Variants in DLG2 observed in about 807,000 individuals in gnomAD.
The protein encoded by DLG2 is disks large homolog 2.
Under a neutral mutation model 132.5 loss-of-function variants are expected in DLG2, and 45 were observed. The ratio of observed to expected loss-of-function variants is 0.34; its 90% CI spans 0.27 to 0.44. DLG2 has a LOEUF of 0.44. DLG2 is among the 20% of genes least tolerant of loss of function. The pLI is 1.00. For missense variants in DLG2, 1,045 were observed against 1,196.9 expected (o/e 0.87, Z 1.87); for synonymous variants, 424 against 419.6 (o/e 1.01, Z -0.13).
intron 6 of DLG2, among the ~76,000 whole-genome samples, chr11:84,895,786 C>A (rs549804148): frequency 1.2e-4 from 18 of 152,006 alleles, no homozygotes; most frequent in African/African-American, 4.4e-4. Flanking sequence ...GGTCATGTAT[C>A]AAGTTAAGAG....
intron 7 of DLG2, among the ~76,000 whole-genome samples, chr11:84,391,190 C>T (rs1365391210): frequency 6.6e-6 from 1 of 152,144 alleles, no homozygotes; most frequent in African/African-American, 2.4e-5. Flanking sequence ...AGTTATGCTA[C>T]ATTCATACAG....
chr11:85,173,302 A>G (rs1351122709), intron 4 of DLG2, among the ~76,000 whole-genome samples: 11 of 152,340 alleles, frequency 7.2e-5, no homozygotes, highest in African/African-American at 2.6e-4. Context: ...AAACCAGAAG[A>G]GATTGGGGCC....
chr11:84,341,808 A>G (rs2098516321), intron 7 of DLG2, among the ~76,000 whole-genome samples: 1 of 152,240 alleles, frequency 6.6e-6, no homozygotes, highest in Admixed American at 6.5e-5. Flanking sequence ...GAATTTCTGT[A>G]CCCCTTTTTA....
chr11:85,583,060 ATATAT>A (rs1565716941), intron 3 of DLG2, among the ~76,000 whole-genome samples: 29 of 78,252 alleles, frequency 3.7e-4, no homozygotes, highest in African/African-American at 2.0e-3. Flanking sequence ...AAAAAAAAAT[ATATAT>A]ATATATATAT....
At chr11:84,010,125 T>C (rs938756352) in intron 11 of DLG2, among the ~76,000 whole-genome samples, 5 of 151,998 alleles carry the variant, frequency 3.3e-5, no homozygotes, top group African/African-American at 1.2e-4. Context: ...CTAAATAGTA[T>C]GAAAATACTA....
At chr11:85,508,570 A>G (rs943934703) in intron 3 of DLG2, among the ~76,000 whole-genome samples, 1 of 152,074 alleles carries the variant, frequency 6.6e-6, no homozygotes, top group African/African-American at 2.4e-5. Flanking sequence ...ACTAGGTTGT[A>G]AGCTCCATAA....
Position 85,243,781 on chromosome 11 carries a change from C to T in DLG2, c.186+41439G>A, listed in dbSNP as rs551947482. Among the ~76,000 whole-genome samples, 5 of 152,114 alleles carry T rather than the reference C, an allele frequency of 3.3e-5. No individual in the cohort carries two copies. In the South Asian group the frequency reaches 1.0e-3, roughly 32 times the overall value. ...TTCTGCCACAAACCACCCGCCCAACCTTGAATAACTCACTAAATATCTCTA... is the reference window on the plus strand; with the variant it reads ...TTCTGCCACAAACCACCCGCCCAACTTTGAATAACTCACTAAATATCTCTA... On this transcript the variant is annotated intron_variant, in intron 4 of 27. Transcript: ENST00000376104.
chr11:84,814,905 T>C (rs905360237), intron 6 of DLG2, among the ~76,000 whole-genome samples: 2 of 152,152 alleles, frequency 1.3e-5, no homozygotes, highest in Admixed American at 1.3e-4. Flanking sequence ...TTTGAAGACA[T>C]GCTTTGATGA....
chr11:85,188,111 G>T (rs2080258067), intron 4 of DLG2, among the ~76,000 whole-genome samples: 1 of 152,146 alleles, frequency 6.6e-6, no homozygotes, highest in Non-Finnish European at 1.5e-5. Context: ...CCTAAAGAGA[G>T]TAAAAGTTGG....
rs988845079 is a variant in DLG2, at chr11:85,474,821, T to C, written c.40+123836A>G. On this transcript the variant is annotated intron_variant, in intron 3 of 27. Coordinates refer to ENST00000376104, the MANE Select transcript of DLG2 (RefSeq NM_001142699.3). ...TTATTCTATTTAATTTAAATTTAAA[T>C]GGCCACATGGTTACCATATTGACAG... Among the ~76,000 whole-genome samples, 12 of 151,722 alleles carry C rather than the reference T, an allele frequency of 7.9e-5. No individual in the cohort carries two copies. The East Asian group carries it at 2.1e-3, about 27-fold the overall frequency.
At chr11:83,650,015 C>T (rs2069623288) in intron 18 of DLG2, among the ~76,000 whole-genome samples, 1 of 152,054 alleles carries the variant, frequency 6.6e-6, no homozygotes, top group Non-Finnish European at 1.5e-5. Context: ...CCTAGTTATC[C>T]TGATGTTATA....
intron 3 of DLG2, among the ~76,000 whole-genome samples, chr11:85,538,831 G>C (rs1200865943): frequency 6.6e-6 from 1 of 151,648 alleles, no homozygotes; most frequent in East Asian, 1.9e-4. Context: ...TGCACACTGG[G>C]GCCTGTTGAG....
At chr11:83,882,519 T>A (rs2066568821) in intron 15 of DLG2, among the ~76,000 whole-genome samples, 1 of 152,212 alleles carries the variant, frequency 6.6e-6, no homozygotes, top group African/African-American at 2.4e-5. Flanking sequence ...TTACTTTATA[T>A]TAAATGGCTT....
intron 4 of DLG2, among the ~76,000 whole-genome samples, chr11:85,161,163 A>G (rs768650213): frequency 1.3e-5 from 2 of 152,208 alleles, no homozygotes; most frequent in South Asian, 2.1e-4. Context: ...TTGCTCTCCA[A>G]TGAGTGACCT....
rs556295911 is a variant in DLG2, at chr11:85,373,815, AG to A, written c.41-88451del. ...TGGGGCAGACAAGAACCACGTCTTT[AG>A]CTGAACTAAGGAAAAGTCCTGCAAC... is the stretch of plus-strand genomic sequence containing the variant. On this transcript the variant is annotated intron_variant, in intron 3 of 27. Coordinates refer to ENST00000376104, the MANE Select transcript of DLG2 (RefSeq NM_001142699.3). Among the ~76,000 whole-genome samples, 21 of 152,318 alleles carry A rather than the reference AG, an allele frequency of 1.4e-4. 1 individual carries two copies. Among genetic ancestry groups the A allele is most frequent in the African/African-American group, 4.1e-4 (17 of 41,580 alleles).
intron 6 of DLG2, among the ~76,000 whole-genome samples, chr11:85,091,916 A>G (rs1468615217): frequency 6.6e-6 from 1 of 151,610 alleles, no homozygotes; most frequent in African/African-American, 2.4e-5. Context: ...TGATATTTTG[A>G]CCTCCTCCAG....
intron 12 of DLG2, among the ~76,000 whole-genome samples, chr11:83,977,751 T>C (rs2092402850): frequency 6.6e-6 from 1 of 152,130 alleles, no homozygotes. Flanking sequence ...AATGCTCCTC[T>C]GGAAGTTCAC....
chr11:83,590,825 C>T (rs2097175500), intron 19 of DLG2, among the ~76,000 whole-genome samples: 1 of 152,238 alleles, frequency 6.6e-6, no homozygotes, highest in South Asian at 2.1e-4. Flanking sequence ...ACCGATCTCA[C>T]AGAAATACAA....
chr11:84,399,898 A>G (rs1322553841), intron 7 of DLG2, among the ~76,000 whole-genome samples: 1 of 152,244 alleles, frequency 6.6e-6, no homozygotes, highest in Non-Finnish European at 1.5e-5. Context: ...GTTTGGCTGT[A>G]CGTATGTCTA....
Sources: gnomAD v4.1 joint callset for allele counts (sites outside exome capture counted in the v4.1 genomes callset) on GRCh38, gnomAD v4.1.1 for gene constraint, MANE v1.5 for transcripts, NCBI Gene and HGNC (gene_info 2026-07-23, HGNC 2026-07-21) for gene names.